Variants in MCAT observed in about 807,000 individuals in gnomAD.
MCAT encodes the protein malonyl-CoA-acyl carrier protein transacylase.
Under a neutral mutation model 22.9 loss-of-function variants are expected in MCAT, and 22 were observed. The observed-to-expected ratio is 0.96, with a 90% CI of 0.69 to 1.37. The LOEUF (loss-of-function observed/expected upper bound fraction) is 1.37. Ranked by LOEUF, MCAT falls within the 40% of genes most tolerant of loss-of-function variation. The probability of loss-of-function intolerance (pLI) is 0.00; values close to 1 mark genes in which losing one functional copy is unlikely to be tolerated. For missense variants in MCAT, 534 were observed against 533.6 expected, an observed-to-expected ratio of 1.00 and a Z score of -0.01; for synonymous variants, 240 against 233.9, an observed-to-expected ratio of 1.03 and a Z score of -0.24.
In MCAT at chr22:43,132,702, A is replaced by G; in HGVS notation, c.*341T>C. 3.2e-6 allele frequency: 1 copy of G among 310,094 alleles called. No individual in the cohort carries two copies. The highest frequency in any genetic ancestry group is 6.1e-6 in the Non-Finnish European group (1 of 163,182). The allele number at this position is 310,094 out of a possible 1,614,324, so 19.2% of individuals were successfully genotyped here. On this transcript the variant is annotated 3_prime_UTR_variant, in exon 4 of 4. Transcript: ENST00000290429. ...GTTCTCAGCACTCACAGAGCAGGAC[A>G]GGCTGCAGCAGCCAGTCCTCCCCTT...
At position 43,141,240 on chromosome 22, in the gene MCAT, T is replaced by C. The variant is rs1269705246; in HGVS notation, c.433A>G (p.Asn145Asp). 6.2e-7 allele frequency: 1 copy of C among 1,613,896 alleles called. No homozygotes were observed. Among genetic ancestry groups the C allele is most frequent in the Non-Finnish European group, 8.5e-7 (1 of 1,179,950 alleles). Residue 145 changes from asparagine to aspartate, a missense_variant, in exon 2 of 4, where the codon AAC becomes GAC. By Grantham distance (23) the Asn-to-Asp change is conservative (BLOSUM62 1). Transcript: ENST00000290429. Reference sequence around the variant, plus strand: ...CTGAATCCAGCAGCAGCAACACAGTTCTCAATCACCTGTGGGGACAGATGC... The same window carrying C: ...CTGAATCCAGCAGCAGCAACACAGTCCTCAATCACCTGTGGGGACAGATGC... Reference protein sequence around the residue: ...LHHLQPSVIENCVAAAGFSVG... With the variant: ...LHHLQPSVIEDCVAAAGFSVG...
intron 2 of MCAT, 121 bp downstream of exon 2, chr22:43,141,041 C>T: frequency 1.3e-6 from 1 of 743,702 alleles, no homozygotes. Flanking sequence ...GCCAATGTCA[C>T]CCCTGTCCAT....
chr22:43,143,072 C>T lies in MCAT; in HGVS notation c.277G>A (p.Ala93Thr). ...TCGTAGCCCAGCACGCGGCGGGCGGCGGCGTAGAGTTCGCGGACGCGCGGG... is the reference window on the plus strand; with the variant it reads ...TCGTAGCCCAGCACGCGGCGGGCGGTGGCGTAGAGTTCGCGGACGCGCGGG... The part of the protein sequence containing the change: ...NYPRVRELYA[A>T]ARRVLGYDLL... The change falls in exon 1 of 4, where the codon GCC (alanine) becomes ACC (threonine). Residue 93 changes from alanine to threonine, a missense_variant. By Grantham distance (58) the Ala-to-Thr change is moderately conservative. Coordinates refer to ENST00000290429, the MANE Select transcript of MCAT (RefSeq NM_173467.5). The T allele has an allele frequency of 6.2e-7, 1 of 1,608,588 alleles. No individual in the cohort carries two copies. The highest frequency in any genetic ancestry group is 8.5e-7 in the Non-Finnish European group (1 of 1,179,118).
chr22:43,136,070 C>T (rs1485523555), intron 3 of MCAT, among the ~76,000 whole-genome samples: 2 of 152,110 alleles, frequency 1.3e-5, no homozygotes, highest in Non-Finnish European at 2.9e-5. Context: ...CGGTGAAACC[C>T]CGTCTCTACA....
In MCAT at chr22:43,137,187, C is replaced by A. The variant is rs143679506; in HGVS notation, c.623G>T (p.Cys208Phe). The change falls in exon 3 of 4, where the codon TGT (cysteine) becomes TTT (phenylalanine). Residue 208 changes from cysteine to phenylalanine, a missense_variant. By Grantham distance (205) the Cys-to-Phe change is radical (BLOSUM62 -2). Coordinates refer to ENST00000290429, the MANE Select transcript of MCAT (RefSeq NM_173467.5). ...CTTGCAGTGTTCCCGGGCTTCCAAA[C>A]AGGCGAAGTTGAACTTGGACTGAGG... The part of the protein sequence containing the change: ...GQPQSKFNFA[C>F]LEAREHCKSL... 1.7e-5 allele frequency: 28 copies of A among 1,614,088 alleles called. No individual in the cohort carries two copies. Among genetic ancestry groups the A allele is most frequent in the Non-Finnish European group, 2.2e-5 (26 of 1,180,054 alleles).
At chr22:43,133,544 C>T in intron 3 of MCAT, 58 bp from the exon 4 acceptor site, 1 of 1,418,254 alleles carries the variant, frequency 7.1e-7, no homozygotes, top group Non-Finnish European at 9.6e-7. Context: ...CTTTACAGAT[C>T]TGACCATTCA....
In MCAT at chr22:43,143,136, G is replaced by A; in HGVS notation, c.213C>T (p.Gly71=). 6.3e-7 allele frequency: 1 copy of A among 1,595,840 alleles called. No individual in the cohort carries two copies. The highest frequency in any genetic ancestry group is 8.5e-7 in the Non-Finnish European group (1 of 1,175,882). Residue 71 remains glycine, a synonymous_variant, in exon 1 of 4, where the codon GGC becomes GGT. Transcript: ENST00000290429. ...CGCGGCCCATGCCCACCACCTGGCT[G>A]CCCTGGCCCGGGAAGAGCAGCACGG... ...QCSVLLFPGQ[G]SQVVGMGRGL... is the part of the protein sequence containing the mutation.
chr22:43,133,593 A>G, intron 3 of MCAT, 107 bp from the exon 4 acceptor site: 2 of 781,086 alleles, frequency 2.6e-6, no homozygotes. Context: ...AGAGACCCAC[A>G]GCTGCTAGAT....
chr22:43,133,828 C>T (rs1302490131), intron 3 of MCAT, among the ~76,000 whole-genome samples: 2 of 146,048 alleles, frequency 1.4e-5, no homozygotes, highest in African/African-American at 5.1e-5. Context: ...TTTTTTGAGA[C>T]GGTGTCTCGC....
At chr22:43,141,102 C>T in intron 2 of MCAT, 60 bp downstream of exon 2, 1 of 1,425,224 alleles carries the variant, frequency 7.0e-7, no homozygotes, top group South Asian at 1.1e-5. Flanking sequence ...TTGGCAGTGT[C>T]CCTTACCCCT....
Position 43,133,137 on chromosome 22 carries a change from C to T in MCAT, c.1079G>A (p.Ser360Asn). ...GGACTTCCAGGCCTGCATGTTACAG[C>T]TCTTCAGGATGGCTCCCAGCTGCCT... is the stretch of plus-strand genomic sequence containing the variant. ...PGRQLGAILK[S>N]CNMQAWKSYS... Residue 360 changes from serine (S) to asparagine (N), a missense_variant, in exon 4 of 4, where the codon AGC becomes AAC. Ser to Asn is a conservative substitution (Grantham distance 46, BLOSUM62 1). Coordinates refer to ENST00000290429, the MANE Select transcript of MCAT (RefSeq NM_173467.5). 1 of 1,614,210 alleles carries T rather than the reference C, an allele frequency of 6.2e-7. No homozygotes were observed. The highest frequency in any genetic ancestry group is 2.2e-5 in the East Asian group (1 of 44,866).
At position 43,132,885 on chromosome 22, in the gene MCAT, A is replaced by C; in HGVS notation, c.*158T>G. 1.5e-6 allele frequency: 1 copy of C among 646,536 alleles called. No homozygotes were observed. Among genetic ancestry groups the C allele is most frequent in the Non-Finnish European group, 2.7e-6 (1 of 375,754 alleles). 40.0% of individuals were successfully genotyped at this position (646,536 alleles called of 1,614,324 possible). A position where few individuals can be genotyped will look rare whatever the true frequency, so the allele number is the denominator to read the frequency against. Reference sequence around the variant, plus strand: ...GACTGGGTCATGTAAAGAAATACTCATTTTTAGGGCTTTTTATGTGGCCTT... The same window carrying C: ...GACTGGGTCATGTAAAGAAATACTCCTTTTTAGGGCTTTTTATGTGGCCTT... On this transcript the variant is annotated 3_prime_UTR_variant, in exon 4 of 4. Coordinates refer to ENST00000290429, the MANE Select transcript of MCAT (RefSeq NM_173467.5).
At chr22:43,142,091 A>C (rs1490746545) in intron 1 of MCAT, among the ~76,000 whole-genome samples, 1 of 152,248 alleles carries the variant, frequency 6.6e-6, no homozygotes, top group East Asian at 1.9e-4. Context: ...CCATCAAATA[A>C]CAGTATTAAC....
In MCAT at chr22:43,133,170, CCT is replaced by C; in HGVS notation, c.1044_1045del (p.Gly349ProfsTer13). On this transcript the variant is annotated frameshift_variant, in exon 4 of 4. Coordinates refer to ENST00000290429, the MANE Select transcript of MCAT (RefSeq NM_173467.5). LOFTEE classifies it low-confidence loss of function (END_TRUNC). ...GATGGCTCCCAGCTGCCTGCCAGGG[CCT>C]ACTTCGAAAGTTTGGGGGAACCCCC... The C allele has an allele frequency of 6.2e-7, 1 of 1,614,200 alleles. No individual in the cohort carries two copies. The highest frequency in any genetic ancestry group is 8.5e-7 in the Non-Finnish European group (1 of 1,180,034).
intron 2 of MCAT, among the ~76,000 whole-genome samples, chr22:43,137,838 T>TA (rs1263365802): frequency 6.6e-6 from 1 of 152,068 alleles, no homozygotes; most frequent in Non-Finnish European, 1.5e-5. Flanking sequence ...ACAACCTCCT[T>TA]GAGGTTCAAA....
At chr22:43,138,213 CAG>C (rs1374593880) in intron 2 of MCAT, among the ~76,000 whole-genome samples, 3 of 152,180 alleles carry the variant, frequency 2.0e-5, no homozygotes, top group Non-Finnish European at 4.4e-5. Flanking sequence ...AGCCTGGTGA[CAG>C]AGCAAGACCC....
At chr22:43,133,786 T>C (rs1408492111) in intron 3 of MCAT, among the ~76,000 whole-genome samples, 1 of 151,872 alleles carries the variant, frequency 6.6e-6, no homozygotes, top group Non-Finnish European at 1.5e-5. Context: ...ATCTAAGAAG[T>C]GTTAGTTCTC....
Position 43,143,105 on chromosome 22 carries a change from G to A in MCAT, c.244C>T (p.Leu82Phe). Residue 82 changes from leucine to phenylalanine, a missense_variant, in exon 1 of 4, where the codon CTC becomes TTC. Physicochemically the swap from Leu to Phe is conservative, Grantham distance 22 (BLOSUM62 0). Transcript: ENST00000290429. ...SQVVGMGRGL[L>F]NYPRVRELYA... ...AGTTCGCGGACGCGCGGGTAGTTGA[G>A]CAGACCGCGGCCCATGCCCACCACC... 1.2e-6 allele frequency: 2 copies of A among 1,604,082 alleles called. No individual in the cohort carries two copies. The highest frequency in any genetic ancestry group is 1.7e-6 in the Non-Finnish European group (2 of 1,178,564).
rs143245989 is a variant in MCAT at position 43,132,918 on chromosome 22, C to T, written c.*125G>A. 454 of 821,516 alleles carry T rather than the reference C, an allele frequency of 5.5e-4. 1 individual carries two copies. The East Asian group carries it at 0.01, about 18-fold the overall frequency. The allele number at this position is 821,516 out of a possible 1,614,324, so 50.9% of individuals were successfully genotyped here. On this transcript the variant is annotated 3_prime_UTR_variant, in exon 4 of 4. Coordinates refer to ENST00000290429, the MANE Select transcript of MCAT (RefSeq NM_173467.5). Reference sequence around the variant, plus strand: ...GGCTTTTTATGTGGCCTTCAAAGCACGTTGCAAACAAATCCCTTTCACTCC... The same window carrying T: ...GGCTTTTTATGTGGCCTTCAAAGCATGTTGCAAACAAATCCCTTTCACTCC...
Sources: allele counts gnomAD v4.1 joint callset (sites outside exome capture counted in the v4.1 genomes callset), GRCh38; gene constraint gnomAD v4.1.1; transcripts MANE v1.5; gene names NCBI Gene and HGNC (gene_info 2026-07-23, HGNC 2026-07-21).